The following B3GALNT2 variants were observed in gnomAD, a reference collection of about 807,000 sequenced individuals.
B3GALNT2 encodes the protein UDP-GalNAc:beta-1,3-N-acetylgalactosaminyltransferase 2.
B3GALNT2 carries 53 observed loss-of-function variants against 61.1 expected under a neutral mutation model. The observed-to-expected ratio is 0.87, with a 90% CI of 0.70 to 1.09. B3GALNT2 has a LOEUF of 1.09. Among genes scored for constraint, B3GALNT2 ranks in the 50% least tolerant of loss-of-function variants. The pLI, the probability that B3GALNT2 is intolerant of heterozygous loss-of-function variation, is 0.00. For synonymous variants in B3GALNT2, 223 were observed against 237.4 expected (o/e 0.94, Z 0.56); for missense variants, 544 against 623.0 (o/e 0.87, Z 1.35).
intron 8 of B3GALNT2, 86 bp downstream of exon 8, chr1:235,458,517 C>T (rs1054899615): frequency 6.8e-7 from 1 of 1,479,760 alleles, no homozygotes. Context: ...TAAGGGGTTT[C>T]CTTACAGCCT....
At chr1:235,484,210 T>G in intron 4 of B3GALNT2, 112 bp downstream of exon 4, 3 of 1,404,656 alleles carry the variant, frequency 2.1e-6, no homozygotes, top group Non-Finnish European at 2.8e-6. Context: ...TGAAAGTCTC[T>G]CAACCAGAGA....
chr1:235,454,073 A>C (rs1420525118), intron 10 of B3GALNT2, 83 bp downstream of exon 10: 1 of 1,313,794 alleles, frequency 7.6e-7, no homozygotes. Context: ...TCCTGGGCTC[A>C]AGTGATCTAC....
intron 6 of B3GALNT2, among the ~76,000 whole-genome samples, chr1:235,470,348 T>C (rs1364495866): frequency 1.3e-5 from 2 of 152,032 alleles, no homozygotes; most frequent in Non-Finnish European, 2.9e-5. Flanking sequence ...TACAGCACTT[T>C]GGGAAGCGTA....
chr1:235,486,187 T>C (rs1396196504), intron 3 of B3GALNT2, among the ~76,000 whole-genome samples: 5 of 152,064 alleles, frequency 3.3e-5, no homozygotes, highest in African/African-American at 1.2e-4. Context: ...AGATATTCAG[T>C]AAAATGGGAT....
the B3GALNT2 span, among the ~76,000 whole-genome samples, chr1:235,439,964 G>C: frequency 6.6e-6 from 1 of 151,492 alleles, no homozygotes; most frequent in Admixed American, 6.6e-5. Flanking sequence ...ACCATGCCTG[G>C]CTAATTTTTG....
chr1:235,447,823 C>T lies in B3GALNT2; in HGVS notation c.*2383G>A, dbSNP rs772488235. Reference sequence around the variant, plus strand: ...CTCACTGTCAAAGGGCACTTAGGTCCGTTGGCTCCGTTTCCCACAGTTCCC... The same window carrying T: ...CTCACTGTCAAAGGGCACTTAGGTCTGTTGGCTCCGTTTCCCACAGTTCCC... On this transcript the variant is annotated 3_prime_UTR_variant, in exon 12 of 12. Transcript: ENST00000366600. Among the ~76,000 whole-genome samples, 1 of 152,112 alleles carries T rather than the reference C, an allele frequency of 6.6e-6. No homozygotes were observed. Among genetic ancestry groups the T allele is most frequent in the Non-Finnish European group, 1.5e-5 (1 of 68,024 alleles).
chr1:235,493,874 C>A (rs892400486), intron 2 of B3GALNT2, among the ~76,000 whole-genome samples: 1 of 152,144 alleles, frequency 6.6e-6, no homozygotes, highest in African/African-American at 2.4e-5. Flanking sequence ...CTCTGCTTAT[C>A]ACCTGAGTCT....
At chr1:235,501,818 T>G (rs540568438) in intron 1 of B3GALNT2, among the ~76,000 whole-genome samples, 22 of 151,274 alleles carry the variant, frequency 1.5e-4, no homozygotes, top group South Asian at 4.2e-4. Flanking sequence ...AAATCTTGGG[T>G]TTTTTTTTCT....
In B3GALNT2 at chr1:235,448,461, C is replaced by CAA. The variant is rs1329018821; in HGVS notation, c.*1743_*1744dup. On this transcript the variant is annotated 3_prime_UTR_variant, in exon 12 of 12. Coordinates refer to ENST00000366600, the MANE Select transcript of B3GALNT2 (RefSeq NM_152490.5). ...CCAAAGTAAGTTGCCCAGCAAAATACAAAGTCAAAGTCAAGCTTAGTCCTC... is the reference window on the plus strand; with the variant it reads ...CCAAAGTAAGTTGCCCAGCAAAATACAAAAAGTCAAAGTCAAGCTTAGTCCTC... The CAA allele has an allele frequency of 2.5e-6, 4 of 1,604,750 alleles. No homozygotes were observed. The highest frequency in any genetic ancestry group is 1.7e-5 in the Admixed American group (1 of 59,974).
chr1:235,452,958 C>CAAATA (rs2102780193), intron 11 of B3GALNT2, 132 bp downstream of exon 11: 1 of 810,028 alleles, frequency 1.2e-6, no homozygotes, highest in East Asian at 2.5e-5. Context: ...TGCAATTATT[C>CAAATA]TAAAATCCAA....
chr1:235,481,405 C>A (rs1005641606), intron 4 of B3GALNT2, among the ~76,000 whole-genome samples: 3 of 152,160 alleles, frequency 2.0e-5, no homozygotes, highest in Non-Finnish European at 4.4e-5. Flanking sequence ...GTGGTGCAAT[C>A]ACGGCTCACT....
chr1:235,488,130 A>C (rs982918388), intron 3 of B3GALNT2, among the ~76,000 whole-genome samples: 18 of 152,062 alleles, frequency 1.2e-4, no homozygotes, highest in African/African-American at 4.3e-4. Flanking sequence ...ATTTTTTACT[A>C]TTTTTTCTTT....
chr1:235,465,514 G>T, intron 7 of B3GALNT2, 122 bp downstream of exon 7: 1 of 1,421,148 alleles, frequency 7.0e-7, no homozygotes. Flanking sequence ...ACTTTAAAAG[G>T]GTGAATTTTA....
chr1:235,504,017 G>A (rs2102879855), intron 1 of B3GALNT2, 124 bp downstream of exon 1: 1 of 1,059,126 alleles, frequency 9.4e-7, no homozygotes, highest in South Asian at 4.8e-5. Context: ...CGTTTGTTTC[G>A]TCTGGGGACC....
chr1:235,481,939 G>A (rs896634496), intron 4 of B3GALNT2, among the ~76,000 whole-genome samples: 2 of 152,126 alleles, frequency 1.3e-5, no homozygotes, highest in African/African-American at 4.8e-5. Context: ...AGATTATTTA[G>A]AGGAAGAACA....
In B3GALNT2 at chr1:235,488,813, G is replaced by C. The variant is rs567156395; in HGVS notation, c.361+355C>G. 5.9e-5 allele frequency among the ~76,000 whole-genome samples: 9 copies of C among 151,934 alleles called. No individual in the cohort carries two copies. The East Asian group carries it at 1.5e-3, about 26-fold the overall frequency. On this transcript the variant is annotated intron_variant, in intron 3 of 11. Transcript: ENST00000366600. ...TCATGCCTGCAATCCCAGTGCTTTG[G>C]GATGCTGAGGCTGGTGGATCCCTTG...
intron 7 of B3GALNT2, among the ~76,000 whole-genome samples, chr1:235,461,338 C>T (rs1683419503): frequency 6.6e-6 from 1 of 151,978 alleles, no homozygotes; most frequent in Non-Finnish European, 1.5e-5. Flanking sequence ...ATTCCTGGGC[C>T]CCAAGCCTAA....
At chr1:235,501,859 T>A (rs1449062159) in intron 1 of B3GALNT2, among the ~76,000 whole-genome samples, 3 of 151,936 alleles carry the variant, frequency 2.0e-5, no homozygotes, top group Admixed American at 2.0e-4. Flanking sequence ...AGGGTTAAAA[T>A]GTAAAAACAC....
Position 235,504,319 on chromosome 1 carries a change from G to C in B3GALNT2, c.-67C>G. 6.9e-7 allele frequency: 1 copy of C among 1,441,684 alleles called. No individual in the cohort carries two copies. 89.3% of individuals were successfully genotyped at this position (1,441,684 alleles called of 1,614,324 possible). ...GGAGAGGGAGGGGACCTGCAAGTGC[G>C]GAGACTGAGGGGCGGCGGCTGACGA... On this transcript the variant is annotated 5_prime_UTR_variant, in exon 1 of 12. Coordinates refer to ENST00000366600, the MANE Select transcript of B3GALNT2 (RefSeq NM_152490.5).
Sources: gnomAD v4.1 joint callset for allele counts (sites outside exome capture counted in the v4.1 genomes callset) on GRCh38, gnomAD v4.1.1 for gene constraint, MANE v1.5 for transcripts, NCBI Gene and HGNC (gene_info 2026-07-23, HGNC 2026-07-21) for gene names.